The following LRP2 variants were observed in gnomAD, a reference collection of about 807,000 sequenced individuals.
The protein encoded by LRP2 is low-density lipoprotein receptor-related protein 2.
In LRP2, 172 loss-of-function variants were observed where a neutral mutation model predicts 531.0. The ratio of observed to expected loss-of-function variants is 0.32; its 90% CI spans 0.29 to 0.37. The LOEUF (loss-of-function observed/expected upper bound fraction) is 0.37. Ranked by LOEUF, LRP2 falls within the 10% of genes least tolerant of loss-of-function variation. The pLI is 1.00. For missense variants in LRP2, 5,167 were observed against 5,868.3 expected, an observed-to-expected ratio of 0.88 and a Z score of 3.90; for synonymous variants, 1,992 against 2,027.6, an observed-to-expected ratio of 0.98 and a Z score of 0.47.
intron 1 of LRP2, among the ~76,000 whole-genome samples, chr2:169,338,011 G>A (rs2105551317): frequency 6.6e-6 from 1 of 152,148 alleles, no homozygotes; most frequent in African/African-American, 2.4e-5. Flanking sequence ...GGAGGCTGAG[G>A]TGGGAGGATC....
chr2:169,209,550 G>A lies in LRP2; in HGVS notation c.6372C>T (p.Ile2124=). The change falls in exon 38 of 79, where the codon ATC becomes ATT. Residue 2124 remains isoleucine, a synonymous_variant. Coordinates refer to ENST00000649046, the MANE Select transcript of LRP2 (RefSeq NM_004525.3). ...FSSSVASDNA[I]RRIKPDGSSL... is the part of the protein sequence containing the mutation. ...AAGATCCATCTGGTTTAATTCTACG[G>A]ATCGCATTATCAGATGCCACTGAGC... 6.2e-7 allele frequency: 1 copy of A among 1,613,984 alleles called. No homozygotes were observed. The highest frequency in any genetic ancestry group is 8.5e-7 in the Non-Finnish European group (1 of 1,179,956).
intron 3 of LRP2, among the ~76,000 whole-genome samples, chr2:169,312,016 T>C (rs1296949190): frequency 6.6e-6 from 1 of 152,202 alleles, no homozygotes; most frequent in Admixed American, 6.5e-5. Flanking sequence ...GAGACTAGGA[T>C]TGCAACCCCT....
intron 12 of LRP2, 85 bp from the exon 13 acceptor site, chr2:169,278,036 T>C (rs1683601186): frequency 1.8e-6 from 2 of 1,089,372 alleles, no homozygotes; most frequent in South Asian, 1.3e-5. Context: ...TTTGGATCAA[T>C]GGAAATTTTA....
intron 1 of LRP2, among the ~76,000 whole-genome samples, chr2:169,338,359 GGAAAGAAAGAAA>G (rs869084371): frequency 0.01 from 774 of 76,636 alleles, 4 homozygotes; most frequent in African/African-American, 0.024. Flanking sequence ...AAAGAAAGAA[GGAAAGAAAGAAA>G]GAAAGAAAGA....
intron 67 of LRP2, among the ~76,000 whole-genome samples, chr2:169,152,554 C>A (rs1686182512): frequency 6.6e-6 from 1 of 152,086 alleles, no homozygotes; most frequent in Non-Finnish European, 1.5e-5. Flanking sequence ...AGATATTGAC[C>A]TGGGTGCTTT....
chr2:169,320,660 G>A lies in LRP2; in HGVS notation c.187+117C>T. 3 of 811,266 alleles carry A rather than the reference G, an allele frequency of 3.7e-6. 1 individual carries two copies. In the South Asian group the frequency reaches 4.2e-5, roughly 11 times the overall value. 50.3% of individuals were successfully genotyped at this position (811,266 alleles called of 1,614,324 possible). A position where few individuals can be genotyped will look rare whatever the true frequency, so the allele number is the denominator to read the frequency against. On this transcript the variant is annotated intron_variant, in intron 2 of 78. Coordinates refer to ENST00000649046, the MANE Select transcript of LRP2 (RefSeq NM_004525.3). ...AACCACACAGATCTCAAAAGACTTGGGCCCAGACCTGGCTCTGTCACTAAA... is the reference window on the plus strand; with the variant it reads ...AACCACACAGATCTCAAAAGACTTGAGCCCAGACCTGGCTCTGTCACTAAA...
In LRP2 at chr2:169,145,910, G is replaced by A. The variant is rs754661357; in HGVS notation, c.12825C>T (p.Tyr4275=). 6.8e-6 allele frequency: 11 copies of A among 1,614,038 alleles called. No individual in the cohort carries two copies. Among genetic ancestry groups the A allele is most frequent in the Non-Finnish European group, 9.3e-6 (11 of 1,179,978 alleles). ...ACTGGTCTTCAAAGATGTCCAGGCT[G>A]TAAGGGTTCATTGCTGCTTACCCAC... The part of the protein sequence containing the change: ...RVIAKEAMNP[Y]SLDIFEDQLY... The change falls in exon 70 of 79, where the codon TAC becomes TAT. Residue 4275 remains tyrosine (Y), a synonymous_variant. Coordinates refer to ENST00000649046, the MANE Select transcript of LRP2 (RefSeq NM_004525.3).
chr2:169,295,210 C>A (rs1237939374), intron 4 of LRP2, among the ~76,000 whole-genome samples: 1 of 152,178 alleles, frequency 6.6e-6, no homozygotes, highest in Non-Finnish European at 1.5e-5. Context: ...GGAGCCCTGG[C>A]GGCCCAGAGG....
rs576345772 is a variant in LRP2 at position 169,188,248 on chromosome 2, T to C, written c.9050A>G (p.Asp3017Gly). ...PKIFRCDRHN[D>G]CGDYSDERGC... is the part of the protein sequence containing the mutation. The stretch of plus-strand genomic sequence containing the variant: ...CCTCTCGTCGCTATAGTCACCACAG[T>C]CATTGTGCCGGTCACACCTGTATCA... The change falls in exon 49 of 79, where the codon GAC (aspartate) becomes GGC (glycine). Residue 3017 changes from aspartate (D) to glycine (G), a missense_variant. This residue lies in a region of LRP2 where 1,129 missense variants were observed against 1,362.7 expected (regional missense o/e 0.83). Transcript: ENST00000649046. The C allele has an allele frequency of 7.4e-6, 12 of 1,614,038 alleles. No individual in the cohort carries two copies. The highest frequency in any genetic ancestry group is 8.5e-6 in the Non-Finnish European group (10 of 1,180,022).
chr2:169,334,786 TTTTCTTACCTACAAAA>T (rs1685359427), intron 1 of LRP2, among the ~76,000 whole-genome samples: 2 of 152,158 alleles, frequency 1.3e-5, no homozygotes, highest in African/African-American at 4.8e-5. Flanking sequence ...CAGTATGCAG[TTTTCTTACCTACAAAA>T]TTTCTGACCT....
At chr2:169,277,297 A>G (rs1683582415) in intron 13 of LRP2, among the ~76,000 whole-genome samples, 1 of 152,180 alleles carries the variant, frequency 6.6e-6, no homozygotes, top group Non-Finnish European at 1.5e-5. Flanking sequence ...TTTCTCCTTG[A>G]AATTTGAAAT....
In LRP2 at chr2:169,185,519, C is replaced by T; in HGVS notation, c.9829G>A (p.Val3277Ile). 1 of 1,613,496 alleles carries T rather than the reference C, an allele frequency of 6.2e-7. No homozygotes were observed. The highest frequency in any genetic ancestry group is 8.5e-7 in the Non-Finnish European group (1 of 1,179,970). Reference protein sequence around the residue: ...HRLPAAESLAVDWVSRKLYWL... With the variant: ...HRLPAAESLAIDWVSRKLYWL... ...TTTTCTTACCTGGAAACCCAGTCTA[C>T]AGCCAGACTTTCTGCAGCTGGTAGT... is the stretch of plus-strand genomic sequence containing the variant. Residue 3277 changes from valine to isoleucine, a missense_variant, in exon 50 of 79, where the codon GTA becomes ATA. Physicochemically the swap from Val to Ile is conservative, Grantham distance 29 (BLOSUM62 3). Transcript: ENST00000649046.
chr2:169,251,898 G>T (rs1327240944), intron 19 of LRP2, among the ~76,000 whole-genome samples: 1 of 48,846 alleles, frequency 2.0e-5, no homozygotes, highest in Non-Finnish European at 3.4e-5. Context: ...AGAAGAAATG[G>T]ATACATTCCT....
At position 169,185,931 on chromosome 2, in the gene LRP2, A is replaced by G. The variant is rs987303317; in HGVS notation, c.9417T>C (p.Pro3139=). The change falls in exon 50 of 79, where the codon CCT becomes CCC. Residue 3139 remains proline (P), a synonymous_variant. Transcript: ENST00000649046. ...TLTSFYCSCR[P]GYKLMSDKRT... The stretch of plus-strand genomic sequence containing the variant: ...GCTTGTCAGACATGAGCTTGTAACC[A>G]GGACGACAGGAACAATAGAAACTGG... 6.2e-7 allele frequency: 1 copy of G among 1,614,024 alleles called. No homozygotes were observed. The highest frequency in any genetic ancestry group is 8.5e-7 in the Non-Finnish European group (1 of 1,179,976).
intron 33 of LRP2, among the ~76,000 whole-genome samples, chr2:169,221,392 G>C (rs929137348): frequency 6.6e-6 from 1 of 152,164 alleles, no homozygotes; most frequent in Non-Finnish European, 1.5e-5. Context: ...CAGAGGTTTA[G>C]TGGCTTTCCC....
Position 169,165,925 on chromosome 2 carries a change from T to G in LRP2, c.11758+7A>C, listed in dbSNP as rs1416511835. On this transcript the variant is annotated splice_region_variant and intron_variant, in intron 62 of 78. Coordinates refer to ENST00000649046, the MANE Select transcript of LRP2 (RefSeq NM_004525.3). ...CTTTTTCCTTCTCCCTTTTGACTTTTGCTTACAGTGCTCCTCTGTCTCATC... is the reference window on the plus strand; with the variant it reads ...CTTTTTCCTTCTCCCTTTTGACTTTGGCTTACAGTGCTCCTCTGTCTCATC... 6.2e-7 allele frequency: 1 copy of G among 1,613,984 alleles called. No homozygotes were observed. Among genetic ancestry groups the G allele is most frequent in the South Asian group, 1.1e-5 (1 of 91,080 alleles).
intron 31 of LRP2, among the ~76,000 whole-genome samples, chr2:169,228,285 C>G (rs1022862029): frequency 1.4e-5 from 2 of 147,290 alleles, no homozygotes; most frequent in African/African-American, 5.1e-5. Context: ...AATTACCACT[C>G]ATTTCATTTG....
At chr2:169,213,600 G>T in intron 36 of LRP2, 57 bp downstream of exon 36, 1 of 1,349,382 alleles carries the variant, frequency 7.4e-7, no homozygotes, top group Non-Finnish European at 1.1e-6. Flanking sequence ...ACAAATGTGA[G>T]TTATGTGTGA....
intron 67 of LRP2, 93 bp from the exon 68 acceptor site, chr2:169,151,119 G>T: frequency 1.5e-6 from 2 of 1,336,708 alleles, no homozygotes; most frequent in Non-Finnish European, 2.1e-6. Context: ...TCGTTTGGCT[G>T]GTGAGACAGC....
Sources: gnomAD v4.1 joint callset for allele counts (sites outside exome capture counted in the v4.1 genomes callset) on GRCh38, gnomAD v4.1.1 for gene constraint, gnomAD v4.1.1 regional missense constraint, MANE v1.5 for transcripts, NCBI Gene and HGNC (gene_info 2026-07-23, HGNC 2026-07-21) for gene names.